The following TANC2 variants were observed in gnomAD, a reference collection of about 807,000 sequenced individuals.
TANC2 encodes the protein tetratricopeptide repeat, ankyrin repeat and coiled-coil containing 2.
TANC2 carries 26 observed loss-of-function variants against 210.5 expected under a neutral mutation model. The observed-to-expected ratio is 0.12, with a 90% confidence interval of 0.09 to 0.17. The LOEUF is 0.17. TANC2 is among the 10% of genes least tolerant of loss of function. The pLI, the probability that TANC2 is intolerant of heterozygous loss-of-function variation, is 1.00. For synonymous variants in TANC2, 931 were observed against 967.1 expected, an observed-to-expected ratio of 0.96 and a Z score of 0.69; for missense variants, 2,129 against 2,608.9, an observed-to-expected ratio of 0.82 and a Z score of 4.01.
chr17:63,344,646 C>T (rs1010108344), intron 12 of TANC2, among the ~76,000 whole-genome samples: 1 of 152,168 alleles, frequency 6.6e-6, no homozygotes, highest in African/African-American at 2.4e-5. Context: ...CTAGTAAGCA[C>T]AAAGCTTTAG....
chr17:63,056,108 G>A (rs891074077), intron 2 of TANC2, among the ~76,000 whole-genome samples: 1 of 139,464 alleles, frequency 7.2e-6, no homozygotes, highest in Admixed American at 7.4e-5. Context: ...CCAGGAGGTC[G>A]AGGTTATAGT....
intron 2 of TANC2, among the ~76,000 whole-genome samples, chr17:63,046,465 G>A (rs2035389687): frequency 6.6e-6 from 1 of 150,846 alleles, no homozygotes. Context: ...CCGAGTAGCT[G>A]AGATTACAGG....
chr17:63,421,632 A>C lies in TANC2; in HGVS notation c.5902A>C (p.Asn1968His), dbSNP rs779267258. 1.2e-6 allele frequency: 2 copies of C among 1,614,036 alleles called. No homozygotes were observed. Among genetic ancestry groups the C allele is most frequent in the Non-Finnish European group, 1.7e-6 (2 of 1,179,894 alleles). ...CGTCCTCAGTCCCACGTCTCCAGGC[A>C]ACCTGCCTCAGCCTGAGTCCTTCAG... Residue 1968 changes from asparagine (N) to histidine (H), a missense_variant, in exon 28 of 28, where the codon AAC (asparagine) becomes CAC (histidine). Asn to His is a moderately conservative substitution (Grantham distance 68). This residue lies in a region of TANC2 where 161 missense variants were observed against 178.6 expected (regional missense o/e 0.90). Transcript: ENST00000689528. The surrounding 1 kb of genome is among the most constrained non-coding windows in gnomAD (Gnocchi z 6.9).
intron 12 of TANC2, among the ~76,000 whole-genome samples, chr17:63,341,896 T>A (rs1294450887): frequency 2.0e-5 from 3 of 152,364 alleles, no homozygotes; most frequent in African/African-American, 4.8e-5. Context: ...TCAGCCTTAT[T>A]ATTCACTGTT....
At chr17:63,036,170 T>C (rs761956975) in intron 2 of TANC2, among the ~76,000 whole-genome samples, 1 of 152,176 alleles carries the variant, frequency 6.6e-6, no homozygotes, top group Non-Finnish European at 1.5e-5. Flanking sequence ...CTTTTTTTAA[T>C]GGTTCATGTT....
intron 2 of TANC2, among the ~76,000 whole-genome samples, chr17:63,054,658 G>A (rs2035704734): frequency 6.6e-6 from 1 of 151,986 alleles, no homozygotes; most frequent in Admixed American, 6.6e-5. Flanking sequence ...TGGGATTACA[G>A]GCGTGAGCCA....
chr17:63,042,422 T>G (rs980141962), intron 2 of TANC2, among the ~76,000 whole-genome samples: 6 of 152,144 alleles, frequency 3.9e-5, no homozygotes, highest in Non-Finnish European at 8.8e-5. Context: ...AGAGTCAGGC[T>G]GAAGGCAGCT....
chr17:63,015,629 T>G (rs1209323634), intron 2 of TANC2, among the ~76,000 whole-genome samples: 2 of 152,056 alleles, frequency 1.3e-5, no homozygotes, highest in Non-Finnish European at 2.9e-5. Context: ...CTGGCAGAGT[T>G]TTCCCCCTAA....
chr17:63,036,623 A>G lies in TANC2; in HGVS notation c.67+26997A>G, dbSNP rs117115613. Among the ~76,000 whole-genome samples, 370 of 152,256 alleles carry G rather than the reference A, an allele frequency of 2.4e-3. 6 individuals are homozygous for G. Among genetic ancestry groups the G allele is most frequent in the East Asian group, 9.8e-3 (51 of 5,192 alleles). On this transcript the variant is annotated intron_variant, in intron 2 of 27. Transcript: ENST00000689528. The stretch of plus-strand genomic sequence containing the variant: ...GCTTTTCTATATAAATTTTAGAATC[A>G]TCTTGTCTATCTATAAAAAGATCCT...
chr17:63,411,320 G>A (rs2048696661), intron 21 of TANC2, among the ~76,000 whole-genome samples, 191 bp from the exon 22 acceptor site: 1 of 152,232 alleles, frequency 6.6e-6, no homozygotes, highest in Non-Finnish European at 1.5e-5. Flanking sequence ...ACTGGAATCT[G>A]TTTTATTGAA....
intron 2 of TANC2, among the ~76,000 whole-genome samples, chr17:63,049,201 G>A (rs1174034553): frequency 2.0e-5 from 3 of 152,068 alleles, no homozygotes; most frequent in East Asian, 1.9e-4. Flanking sequence ...TCTAGGCATG[G>A]CTAATAAAGC....
At chr17:63,291,714 G>C (rs2044388760) in intron 9 of TANC2, among the ~76,000 whole-genome samples, 1 of 152,108 alleles carries the variant, frequency 6.6e-6, no homozygotes, top group South Asian at 2.1e-4. Context: ...TTCTGATTAA[G>C]GACTTAACAT....
At chr17:63,205,358 A>AAAAAAC (rs2041671551) in intron 7 of TANC2, among the ~76,000 whole-genome samples, 2 of 146,808 alleles carry the variant, frequency 1.4e-5, no homozygotes, top group Admixed American at 6.8e-5. Flanking sequence ...AAAAAAAAAA[A>AAAAAAC]AAAAAAAAAA....
chr17:63,423,030 T>C (rs1443841616), exon 28 of TANC2: 2 of 152,216 alleles, frequency 1.3e-5, no homozygotes, highest in Non-Finnish European at 2.9e-5. Flanking sequence ...AGAAATTGTT[T>C]CTTTCAGAAG....
At chr17:63,082,102 C>T (rs1454325228) in intron 3 of TANC2, among the ~76,000 whole-genome samples, 4 of 152,072 alleles carry the variant, frequency 2.6e-5, no homozygotes, top group African/African-American at 4.8e-5. Flanking sequence ...ACCCGGGAGG[C>T]GGAGCTTGCA....
chr17:63,169,156 C>G (rs183299703), intron 5 of TANC2, among the ~76,000 whole-genome samples: 2 of 152,298 alleles, frequency 1.3e-5, no homozygotes, highest in African/African-American at 4.8e-5. Flanking sequence ...CACTCATCCT[C>G]CCAAAGACAC....
In TANC2 at chr17:63,350,888, A is replaced by C. The variant is rs1485556142; in HGVS notation, c.1808-362A>C. On this transcript the variant is annotated intron_variant, in intron 12 of 27. Transcript: ENST00000689528. ...GCTGTCAGATAGGGAAAAAAAAAAA[A>C]AAAAAACAGAACATGTTCTACTCAG... Among the ~76,000 whole-genome samples, 7 of 151,990 alleles carry C rather than the reference A, an allele frequency of 4.6e-5. No individual in the cohort carries two copies. The East Asian group carries it at 5.8e-4, about 13-fold the overall frequency.
In TANC2 at chr17:63,002,386, T is replaced by C. The variant is rs2033426221; in HGVS notation, c.-23-7151T>C. On this transcript the variant is annotated intron_variant, in intron 1 of 27. Coordinates refer to ENST00000689528, the Ensembl canonical transcript of TANC2. The stretch of plus-strand genomic sequence containing the variant: ...CGCATGTATATCCACTACTTACAGT[T>C]TACTGTTAACATTTTATTTTGTTAT... 3.3e-5 allele frequency among the ~76,000 whole-genome samples: 5 copies of C among 152,212 alleles called. No homozygotes were observed. The South Asian group carries it at 1.0e-3, about 32-fold the overall frequency.
intron 5 of TANC2, among the ~76,000 whole-genome samples, chr17:63,172,250 G>A (rs2145580149): frequency 6.8e-6 from 1 of 146,852 alleles, no homozygotes; most frequent in Admixed American, 6.9e-5. Flanking sequence ...GGAGTGCAAT[G>A]ACACATTCTC....
Sources: gnomAD v4.1 joint callset for allele counts (sites outside exome capture counted in the v4.1 genomes callset) on GRCh38, gnomAD v4.1.1 for gene constraint, gnomAD v4.1.1 regional missense constraint, Gnocchi (gnomAD v3.1) non-coding constraint, MANE v1.5 for transcripts, NCBI Gene and HGNC (gene_info 2026-07-23, HGNC 2026-07-21) for gene names.